Variants in CACNA1C observed in about 807,000 individuals in gnomAD.
The protein encoded by CACNA1C is voltage-dependent L-type calcium channel subunit alpha-1C.
A neutral mutation model predicts 229.0 loss-of-function variants in CACNA1C; 30 were observed. That is an observed-to-expected ratio of 0.13 (90% CI 0.10 to 0.18). The LOEUF is 0.18. Ranked by LOEUF, CACNA1C falls within the 10% of genes least tolerant of loss-of-function variation. The probability of loss-of-function intolerance (pLI) is 1.00; values close to 1 mark genes in which losing one functional copy is unlikely to be tolerated. For synonymous variants in CACNA1C, 1,114 were observed against 1,132.5 expected, an observed-to-expected ratio of 0.98 and a Z score of 0.33; for missense variants, 1,658 against 2,845.0, an observed-to-expected ratio of 0.58 and a Z score of 9.49.
At chr12:2,180,715 G>A (rs998932337) in intron 3 of CACNA1C, among the ~76,000 whole-genome samples, 11 of 152,152 alleles carry the variant, frequency 7.2e-5, no homozygotes, top group Non-Finnish European at 1.3e-4. Context: ...TAATCACAGC[G>A]TGTCCCAGAA....
intron 8 of CACNA1C, among the ~76,000 whole-genome samples, chr12:2,510,843 G>T (rs1412843335): frequency 6.6e-6 from 1 of 152,216 alleles, no homozygotes; most frequent in African/African-American, 2.4e-5. Flanking sequence ...TTTTGGAGTT[G>T]ATTTGCATAG....
intron 7 of CACNA1C, among the ~76,000 whole-genome samples, chr12:2,498,991 G>C (rs976350255): frequency 1.3e-5 from 2 of 152,132 alleles, no homozygotes; most frequent in African/African-American, 4.8e-5. Flanking sequence ...GCTTGCCTTG[G>C]TGTTAGGAGC....
intron 19 of CACNA1C, among the ~76,000 whole-genome samples, chr12:2,594,120 A>G (rs929334079): frequency 6.6e-6 from 1 of 152,170 alleles, no homozygotes; most frequent in Non-Finnish European, 1.5e-5. Flanking sequence ...TGCTTTTAAC[A>G]TATTCTGTTG....
At chr12:2,286,342 GAGA>G (rs940858259) in intron 3 of CACNA1C, among the ~76,000 whole-genome samples, 1 of 152,234 alleles carries the variant, frequency 6.6e-6, no homozygotes, top group African/African-American at 2.4e-5. Context: ...TAAGGAATTT[GAGA>G]AGATGTCTTA....
At chr12:1,986,125 T>C (rs2037697175) in intron 1 of CACNA1C, among the ~76,000 whole-genome samples, 1 of 152,240 alleles carries the variant, frequency 6.6e-6, no homozygotes, top group Non-Finnish European at 1.5e-5. Flanking sequence ...CAGTTCTATT[T>C]TCAAAGGTGT....
intron 3 of CACNA1C, among the ~76,000 whole-genome samples, chr12:2,291,846 C>T (rs2093550618): frequency 6.6e-6 from 1 of 152,212 alleles, no homozygotes; most frequent in African/African-American, 2.4e-5. Context: ...AGGAAGAAGA[C>T]CTTTTCCAGA....
chr12:2,344,409 G>T (rs139400769), intron 3 of CACNA1C, among the ~76,000 whole-genome samples: 188 of 152,270 alleles, frequency 1.2e-3, no homozygotes, highest in Non-Finnish European at 1.9e-3. Context: ...GCACCCTGGA[G>T]AGGTAGGAAC....
chr12:2,583,593 C>T (rs1388316631), intron 15 of CACNA1C, among the ~76,000 whole-genome samples: 1 of 152,202 alleles, frequency 6.6e-6, no homozygotes, highest in Non-Finnish European at 1.5e-5. Context: ...CCAGCTAAGG[C>T]AGTGCAGAAA....
Position 2,354,911 on chromosome 12 carries a change from C to T in CACNA1C, c.478-94065C>T, listed in dbSNP as rs1290091865. 6.6e-6 allele frequency among the ~76,000 whole-genome samples: 1 copy of T among 152,068 alleles called. No homozygotes were observed. The highest frequency in any genetic ancestry group is 2.4e-5 in the African/African-American group (1 of 41,394). ...ATTTTGGTGAGGAAATTTACATTACCCAGGTGTGCACTTGGGCAGGCTGAG... is the reference window on the plus strand; with the variant it reads ...ATTTTGGTGAGGAAATTTACATTACTCAGGTGTGCACTTGGGCAGGCTGAG... On this transcript the variant is annotated intron_variant, in intron 3 of 46. Coordinates refer to ENST00000399655, the MANE Select transcript of CACNA1C (RefSeq NM_000719.7). This position sits in a 1 kb window ranked among gnomAD's most constrained non-coding sequence, Gnocchi z 4.6.
intron 3 of CACNA1C, among the ~76,000 whole-genome samples, chr12:2,339,222 G>A (rs1331349812): frequency 6.6e-6 from 1 of 152,224 alleles, no homozygotes; most frequent in Non-Finnish European, 1.5e-5. Flanking sequence ...AGTACTGTAA[G>A]CAATTGTAAT....
At chr12:2,009,961 G>C (rs1459529954) in intron 1 of CACNA1C, among the ~76,000 whole-genome samples, 1 of 151,446 alleles carries the variant, frequency 6.6e-6, no homozygotes, top group African/African-American at 2.4e-5. Flanking sequence ...TTTGCAATCT[G>C]TACAATGTAC....
intron 3 of CACNA1C, among the ~76,000 whole-genome samples, chr12:2,250,327 T>C (rs2075138471): frequency 6.6e-6 from 1 of 152,178 alleles, no homozygotes; most frequent in Admixed American, 6.5e-5. Flanking sequence ...AGCACTCAGC[T>C]TATTAACAGG....
intron 3 of CACNA1C, among the ~76,000 whole-genome samples, chr12:2,151,030 G>A (rs2095207502): frequency 6.6e-6 from 1 of 152,192 alleles, no homozygotes; most frequent in African/African-American, 2.4e-5. Flanking sequence ...TGGTCTGTCT[G>A]TGGCAATTAC....
chr12:2,374,039 G>A (rs962668794), intron 3 of CACNA1C, among the ~76,000 whole-genome samples: 2 of 152,326 alleles, frequency 1.3e-5, no homozygotes, highest in Admixed American at 1.3e-4. Flanking sequence ...CAAGGGACCT[G>A]GCCCACATCA....
At chr12:2,494,304 T>C (rs1371796109) in intron 7 of CACNA1C, among the ~76,000 whole-genome samples, 1 of 152,210 alleles carries the variant, frequency 6.6e-6, no homozygotes, top group Non-Finnish European at 1.5e-5. Flanking sequence ...CACAGGCAAA[T>C]CCACACTCCA....
chr12:2,379,923 T>C (rs1382223468), intron 3 of CACNA1C, among the ~76,000 whole-genome samples: 4 of 146,532 alleles, frequency 2.7e-5, no homozygotes, highest in South Asian at 2.2e-4. Context: ...CCCAGCTACT[T>C]GGGAGGCTGA....
At chr12:2,485,098 C>T (rs1171100347) in intron 5 of CACNA1C, among the ~76,000 whole-genome samples, 1 of 152,000 alleles carries the variant, frequency 6.6e-6, no homozygotes, top group Non-Finnish European at 1.5e-5. Flanking sequence ...ATGCCCCACA[C>T]AGAAGGTAAA....
chr12:2,203,309 C>T (rs537527358), intron 3 of CACNA1C, among the ~76,000 whole-genome samples: 65 of 152,292 alleles, frequency 4.3e-4, no homozygotes, highest in Non-Finnish European at 6.2e-4. Flanking sequence ...TTCCTTCTTA[C>T]AGTCCCCCTC....
rs2073273666 is a variant in CACNA1C, at chr12:2,602,661, TG to T, written c.2960+702del. On this transcript the variant is annotated intron_variant, in intron 22 of 46. Transcript: ENST00000399655. The surrounding 1 kb of genome is among the most constrained non-coding windows in gnomAD (Gnocchi z 4.4). The stretch of plus-strand genomic sequence containing the variant: ...GTGTGTGTGTGTGTGTGTGTGTGTG[TG>T]TGTGTGTGAGTTTTTCATTTCACTG... Among the ~76,000 whole-genome samples the T allele has an allele frequency of 7.1e-6, 1 of 140,066 alleles. No homozygotes were observed. Among genetic ancestry groups the T allele is most frequent in the African/African-American group, 2.7e-5 (1 of 37,592 alleles). The allele number at this position is 140,066 out of a possible 152,430, so 91.9% of individuals were successfully genotyped here. A position where few individuals can be genotyped will look rare whatever the true frequency, so the allele number is the denominator to read the frequency against.
Sources: gnomAD v4.1 joint callset for allele counts (sites outside exome capture counted in the v4.1 genomes callset) on GRCh38, gnomAD v4.1.1 for gene constraint, Gnocchi (gnomAD v3.1) non-coding constraint, MANE v1.5 for transcripts, NCBI Gene and HGNC (gene_info 2026-07-23, HGNC 2026-07-21) for gene names.